JAKMIP1: variants seen among roughly 807,000 people sequenced by gnomAD.
JAKMIP1 encodes the protein janus kinase and microtubule interacting protein 1, also known as janus kinase and microtubule-interacting protein 1.
In JAKMIP1, 33 loss-of-function variants were observed where a neutral mutation model predicts 113.0. That is an observed-to-expected ratio of 0.29 (90% CI 0.22 to 0.39). The LOEUF (loss-of-function observed/expected upper bound fraction) is 0.39. JAKMIP1 is among the 10% of genes least tolerant of loss of function. The pLI, the probability that JAKMIP1 is intolerant of heterozygous loss-of-function variation, is 1.00. For missense variants in JAKMIP1, 813 were observed against 1,080.5 expected (o/e 0.75, Z 3.47); for synonymous variants, 480 against 459.9 (o/e 1.04, Z -0.56).
rs145841765 is a variant in JAKMIP1, at chr4:6,135,059, C to T, written c.-147-22062G>A. Among the ~76,000 whole-genome samples the T allele has an allele frequency of 9.7e-4, 147 of 150,866 alleles. No individual in the cohort carries two copies. The highest frequency in any genetic ancestry group is 3.4e-3 in the African/African-American group (138 of 41,084). On this transcript the variant is annotated intron_variant, in intron 1 of 20. Coordinates refer to ENST00000409021, the MANE Select transcript of JAKMIP1 (RefSeq NM_001099433.2). The surrounding 1 kb of genome is among the most constrained non-coding windows in gnomAD (Gnocchi z 4.9). ...GGCTCGTGTATCTCTGGTCTGGTAT[C>T]GTTGGGGCAGAGCTGCTCAGTCTCC...
At chr4:6,053,009 G>A (rs1715863551) in intron 13 of JAKMIP1, among the ~76,000 whole-genome samples, 1 of 152,150 alleles carries the variant, frequency 6.6e-6, no homozygotes, top group Non-Finnish European at 1.5e-5. Flanking sequence ...AAACAAAATT[G>A]GGGAAGCCAC....
chr4:6,148,937 G>A (rs1024953495), intron 1 of JAKMIP1, among the ~76,000 whole-genome samples: 2 of 152,230 alleles, frequency 1.3e-5, no homozygotes, highest in Non-Finnish European at 2.9e-5. Context: ...GTGGTGAGAC[G>A]GGGAGGAGTC....
In JAKMIP1 at chr4:6,184,663, C is replaced by A. The variant is rs1387471369; in HGVS notation, c.-148+15590G>T. On this transcript the variant is annotated intron_variant, in intron 1 of 20. Coordinates refer to ENST00000409021, the MANE Select transcript of JAKMIP1 (RefSeq NM_001099433.2). The surrounding 1 kb of genome is among the most constrained non-coding windows in gnomAD (Gnocchi z 4.5). Reference sequence around the variant, plus strand: ...AGAGAGCAGGGGTGATTGTGCCTATCGAAGGGAAGCAACCAATTGTCAACT... The same window carrying A: ...AGAGAGCAGGGGTGATTGTGCCTATAGAAGGGAAGCAACCAATTGTCAACT... 6.6e-6 allele frequency among the ~76,000 whole-genome samples: 1 copy of A among 152,150 alleles called. No individual in the cohort carries two copies. The highest frequency in any genetic ancestry group is 1.5e-5 in the Non-Finnish European group (1 of 68,046).
At chr4:6,102,031 T>C (rs1713130298) in intron 3 of JAKMIP1, among the ~76,000 whole-genome samples, 1 of 152,204 alleles carries the variant, frequency 6.6e-6, no homozygotes, top group Admixed American at 6.5e-5. Context: ...TCCCTTTCCA[T>C]TGATTTAGAT....
intron 1 of JAKMIP1, among the ~76,000 whole-genome samples, chr4:6,171,103 CCAT>C (rs1325066790): frequency 7.8e-4 from 118 of 150,476 alleles, no homozygotes; most frequent in African/African-American, 2.7e-3. Context: ...ACTACTACCA[CCAT>C]CATCACCACC....
intron 1 of JAKMIP1, among the ~76,000 whole-genome samples, chr4:6,198,486 G>A (rs545065304): frequency 6.6e-6 from 1 of 152,264 alleles, no homozygotes; most frequent in Non-Finnish European, 1.5e-5. Flanking sequence ...GGAGTCATGG[G>A]TGGTTTGTGA....
chr4:6,062,805 T>C (rs1465497555), intron 9 of JAKMIP1, among the ~76,000 whole-genome samples: 1 of 152,178 alleles, frequency 6.6e-6, no homozygotes, highest in African/African-American at 2.4e-5. Context: ...AGGTCTCCAT[T>C]GTAAAGGGTG....
rs1217064326 is a variant in JAKMIP1 at position 6,064,828 on chromosome 4, C to T, written c.1431+52G>A. 1.7e-5 allele frequency: 28 copies of T among 1,609,672 alleles called. No homozygotes were observed. The Middle Eastern group carries it at 6.1e-4, about 35-fold the overall frequency. ...TGCAACTATCAAAAGCAGGAGGTGCCGCCCCGAGAGCATCTGGGGTGAGGT... is the reference window on the plus strand; with the variant it reads ...TGCAACTATCAAAAGCAGGAGGTGCTGCCCCGAGAGCATCTGGGGTGAGGT... On this transcript the variant is annotated intron_variant, in intron 9 of 20. Transcript: ENST00000409021. The surrounding 1 kb of genome is among the most constrained non-coding windows in gnomAD (Gnocchi z 4.3).
intron 3 of JAKMIP1, among the ~76,000 whole-genome samples, chr4:6,100,209 A>G (rs1486572013): frequency 6.6e-6 from 1 of 152,222 alleles, no homozygotes; most frequent in Non-Finnish European, 1.5e-5. Context: ...TTCCTCGCCC[A>G]GTAAGGTCCC....
At chr4:6,036,218 G>A in intron 18 of JAKMIP1, 111 bp from the exon 19 acceptor site, 2 of 842,194 alleles carry the variant, frequency 2.4e-6, no homozygotes, top group Non-Finnish European at 3.7e-6. Context: ...TTCGGGCAGG[G>A]AGGGGCAACT....
At chr4:6,095,331 CGAAA>C (rs989419279) in intron 3 of JAKMIP1, among the ~76,000 whole-genome samples, 4 of 129,154 alleles carry the variant, frequency 3.1e-5, no homozygotes, top group African/African-American at 5.9e-5. Flanking sequence ...AGAGAGACAG[CGAAA>C]GAAAGAAAGG....
At position 6,096,606 on chromosome 4, in the gene JAKMIP1, T is replaced by C. The variant is rs75076292; in HGVS notation, c.624+8867A>G. On this transcript the variant is annotated intron_variant, in intron 3 of 20. Coordinates refer to ENST00000409021, the MANE Select transcript of JAKMIP1 (RefSeq NM_001099433.2). ...GCTTTTAATCCTGTATCATTCAGAA[T>C]TGAGTTTTGAAAGAGGATCCATGGC... 3.6e-3 allele frequency among the ~76,000 whole-genome samples: 552 copies of C among 152,306 alleles called. 4 individuals carry two copies. The highest frequency in any genetic ancestry group is 0.013 in the African/African-American group (527 of 41,564).
chr4:6,160,022 A>C (rs1296089365), intron 1 of JAKMIP1, among the ~76,000 whole-genome samples: 1 of 152,206 alleles, frequency 6.6e-6, no homozygotes, highest in African/African-American at 2.4e-5. Flanking sequence ...TAAAGCAAGA[A>C]GGTGATTTCC....
In JAKMIP1 at chr4:6,116,686, C is replaced by T. The variant is rs1278843489; in HGVS notation, c.-147-3689G>A. 6.6e-6 allele frequency among the ~76,000 whole-genome samples: 1 copy of T among 151,928 alleles called. No homozygotes were observed. On this transcript the variant is annotated intron_variant, in intron 1 of 20. Transcript: ENST00000409021. This position sits in a 1 kb window ranked among gnomAD's most constrained non-coding sequence, Gnocchi z 5.1. ...GTCTGTGCCTTGGCAGTGCCGGTGC[C>T]CTTTAACTGCCTACAGGAAATTAAT... is the stretch of plus-strand genomic sequence containing the variant.
At chr4:6,078,590 T>C (rs898765748) in intron 8 of JAKMIP1, among the ~76,000 whole-genome samples, 3 of 152,152 alleles carry the variant, frequency 2.0e-5, no homozygotes, top group African/African-American at 7.2e-5. Flanking sequence ...TCCTGATTTT[T>C]TTAGAACAGG....
At chr4:6,191,912 A>ATTTTATT (rs1453788726) in intron 1 of JAKMIP1, among the ~76,000 whole-genome samples, 1 of 43,004 alleles carries the variant, frequency 2.3e-5, no homozygotes. Context: ...CCAGGAGTGC[A>ATTTTATT]TTTTATTTAT....
Position 6,064,119 on chromosome 4 carries a change from C to T in JAKMIP1, c.1431+761G>A, listed in dbSNP as rs1020888146. Among the ~76,000 whole-genome samples, 3 of 152,196 alleles carry T rather than the reference C, an allele frequency of 2.0e-5. No individual in the cohort carries two copies. The highest frequency in any genetic ancestry group is 4.8e-5 in the African/African-American group (2 of 41,458). On this transcript the variant is annotated intron_variant, in intron 9 of 20. Coordinates refer to ENST00000409021, the MANE Select transcript of JAKMIP1 (RefSeq NM_001099433.2). This position sits in a 1 kb window ranked among gnomAD's most constrained non-coding sequence, Gnocchi z 4.3. ...GTAGGGAAACAGCAGCCAAGCCTGACGCAGGCCCTGGTGGGGAGCAAGGGG... is the reference window on the plus strand; with the variant it reads ...GTAGGGAAACAGCAGCCAAGCCTGATGCAGGCCCTGGTGGGGAGCAAGGGG...
Position 6,080,984 on chromosome 4 carries a change from TACACACACAC to T in JAKMIP1, c.1101+615_1101+624del, listed in dbSNP as rs71173403. Among the ~76,000 whole-genome samples the T allele has an allele frequency of 1.1e-4, 16 of 141,064 alleles. No homozygotes were observed. Among genetic ancestry groups the T allele is most frequent in the Admixed American group, 4.2e-4 (6 of 14,324 alleles). The allele number at this position is 141,064 out of a possible 152,430, so 92.5% of individuals were successfully genotyped here. A position where few individuals can be genotyped will look rare whatever the true frequency, so the allele number is the denominator to read the frequency against. ...GGAGAGGACTTCACACAACAGCAAT[TACACACACAC>T]ACACACACACACACACACACCTGCA... On this transcript the variant is annotated intron_variant, in intron 6 of 20. Transcript: ENST00000409021. The surrounding 1 kb of genome is among the most constrained non-coding windows in gnomAD (Gnocchi z 6.0).
chr4:6,103,852 T>C (rs6446456), intron 3 of JAKMIP1, among the ~76,000 whole-genome samples: 9,855 of 152,242 alleles, frequency 0.065, 720 homozygotes, highest in African/African-American at 0.17. Context: ...ATTTTTGATA[T>C]TAGTAATTTA....
Sources: allele counts gnomAD v4.1 joint callset (sites outside exome capture counted in the v4.1 genomes callset), GRCh38; gene constraint gnomAD v4.1.1; non-coding constraint Gnocchi (gnomAD v3.1); transcripts MANE v1.5; gene names NCBI Gene and HGNC (gene_info 2026-07-23, HGNC 2026-07-21).